Variants in NELL1 observed in about 807,000 individuals in gnomAD.
NELL1 encodes protein kinase C-binding protein NELL1.
Under a neutral mutation model 107.4 loss-of-function variants are expected in NELL1, and 76 were observed. The observed-to-expected ratio is 0.71, with a 90% CI of 0.59 to 0.86. NELL1 has a LOEUF of 0.86. Ranked by LOEUF, NELL1 falls within the 40% of genes least tolerant of loss-of-function variation. The pLI is 0.00. For synonymous variants in NELL1, 353 were observed against 341.2 expected, an observed-to-expected ratio of 1.03 and a Z score of -0.38; for missense variants, 1,024 against 1,005.5, an observed-to-expected ratio of 1.02 and a Z score of -0.25.
At chr11:20,865,479 T>C (rs1564940594) in intron 4 of NELL1, among the ~76,000 whole-genome samples, 1 of 152,142 alleles carries the variant, frequency 6.6e-6, no homozygotes, top group African/African-American at 2.4e-5. Context: ...GGAAACATTC[T>C]CTCCCCTCCC....
At chr11:21,551,860 C>A (rs1856596198) in intron 16 of NELL1, among the ~76,000 whole-genome samples, 2 of 150,512 alleles carry the variant, frequency 1.3e-5, no homozygotes, top group East Asian at 4.0e-4. Flanking sequence ...CGGCACTATT[C>A]ACAATAGCAA....
intron 15 of NELL1, among the ~76,000 whole-genome samples, chr11:21,396,488 C>T (rs553078478): frequency 3.8e-4 from 58 of 151,630 alleles, no homozygotes; most frequent in African/African-American, 1.4e-3. Context: ...AAGATCTGGC[C>T]ACAGGGCCAT....
At position 20,689,041 on chromosome 11, in the gene NELL1, A is replaced by G. The variant is rs142303820; in HGVS notation, c.184+10981A>G. 4.8e-3 allele frequency among the ~76,000 whole-genome samples: 726 copies of G among 152,186 alleles called. 2 individuals carry two copies. Among genetic ancestry groups the G allele is most frequent in the Admixed American group, 8.3e-3 (127 of 15,260 alleles). ...TGAGTGATGTGGAGCGTTTTTTCATATGCTTATTGGCCGCTTATATGTCTT... is the reference window on the plus strand; with the variant it reads ...TGAGTGATGTGGAGCGTTTTTTCATGTGCTTATTGGCCGCTTATATGTCTT... On this transcript the variant is annotated intron_variant, in intron 2 of 19. Transcript: ENST00000357134.
chr11:21,422,462 A>T (rs1852704530), intron 15 of NELL1, among the ~76,000 whole-genome samples: 1 of 152,174 alleles, frequency 6.6e-6, no homozygotes, highest in Non-Finnish European at 1.5e-5. Flanking sequence ...ACATAATTTT[A>T]TTTTACACAA....
chr11:20,946,171 T>A (rs1850958150), intron 10 of NELL1, among the ~76,000 whole-genome samples: 2 of 152,206 alleles, frequency 1.3e-5, no homozygotes, highest in African/African-American at 4.8e-5. Flanking sequence ...ACCACTGGGA[T>A]GACGGTCTCA....
At chr11:21,232,159 A>AAAAATATATATATATATAT (rs1554985116) in intron 14 of NELL1, among the ~76,000 whole-genome samples, 4 of 73,204 alleles carry the variant, frequency 5.5e-5, no homozygotes, top group African/African-American at 1.5e-4. Context: ...AAAAAAAAAA[A>AAAAATATATATATATATAT]ATATATATAT....
chr11:21,508,087 A>G (rs1855338638), intron 15 of NELL1, among the ~76,000 whole-genome samples: 2 of 152,146 alleles, frequency 1.3e-5, no homozygotes, highest in African/African-American at 4.8e-5. Flanking sequence ...ACTGGCCTGC[A>G]GAAGTTATTT....
At chr11:20,776,704 G>A (rs1564904533) in intron 2 of NELL1, among the ~76,000 whole-genome samples, 1 of 152,060 alleles carries the variant, frequency 6.6e-6, no homozygotes, top group African/African-American at 2.4e-5. Flanking sequence ...GGGTAGGAAC[G>A]TGGCCCTGGG....
intron 12 of NELL1, among the ~76,000 whole-genome samples, chr11:21,008,970 G>A (rs1263573760): frequency 1.3e-5 from 2 of 152,070 alleles, no homozygotes; most frequent in Admixed American, 6.6e-5. Context: ...AGTCTCCAAC[G>A]GGATCCAATC....
At chr11:21,541,043 G>A (rs953122227) in intron 16 of NELL1, among the ~76,000 whole-genome samples, 24 of 152,044 alleles carry the variant, frequency 1.6e-4, no homozygotes, top group African/African-American at 2.7e-4. Flanking sequence ...TCTTAATTAC[G>A]TCTTTATCAC....
At chr11:21,393,633 G>T (rs1851925485) in intron 15 of NELL1, among the ~76,000 whole-genome samples, 2 of 151,650 alleles carry the variant, frequency 1.3e-5, no homozygotes, top group Admixed American at 1.3e-4. Flanking sequence ...AAAAAGACAG[G>T]AAAGCATTGC....
chr11:20,688,902 T>G (rs891639988), intron 2 of NELL1, among the ~76,000 whole-genome samples: 1 of 152,082 alleles, frequency 6.6e-6, no homozygotes, highest in African/African-American at 2.4e-5. Flanking sequence ...CACGAACATC[T>G]GGTGTATTTT....
intron 14 of NELL1, among the ~76,000 whole-genome samples, chr11:21,312,343 AT>A (rs5790173): frequency 0.019 from 2,833 of 148,516 alleles, 90 homozygotes; most frequent in African/African-American, 0.066. Flanking sequence ...TTTAGAAAGG[AT>A]TTTTTTTTTT....
chr11:21,031,179 A>G (rs1852946979), intron 12 of NELL1, among the ~76,000 whole-genome samples: 1 of 152,214 alleles, frequency 6.6e-6, no homozygotes, highest in African/African-American at 2.4e-5. Flanking sequence ...ATTGCACTGT[A>G]CAGATAGACC....
intron 15 of NELL1, among the ~76,000 whole-genome samples, chr11:21,481,803 A>C (rs1051419274): frequency 2.0e-5 from 3 of 152,156 alleles, no homozygotes; most frequent in African/African-American, 7.2e-5. Context: ...AATGTGTGAC[A>C]AGTATCTGAA....
intron 12 of NELL1, among the ~76,000 whole-genome samples, chr11:20,997,447 G>A (rs1852116035): frequency 6.6e-6 from 1 of 152,184 alleles, no homozygotes; most frequent in Non-Finnish European, 1.5e-5. Context: ...TGTTATCATT[G>A]GTGGGGATTG....
At chr11:21,328,360 G>T (rs536828189) in intron 14 of NELL1, among the ~76,000 whole-genome samples, 3 of 152,170 alleles carry the variant, frequency 2.0e-5, no homozygotes, top group Non-Finnish European at 4.4e-5. Flanking sequence ...TGTTGAGCCT[G>T]TAGGTGCACA....
intron 12 of NELL1, among the ~76,000 whole-genome samples, chr11:21,096,295 C>T (rs1025724017): frequency 3.1e-4 from 47 of 152,276 alleles, no homozygotes; most frequent in Admixed American, 8.5e-4. Flanking sequence ...TGTAAAAAAA[C>T]GTCCCCTACA....
intron 14 of NELL1, among the ~76,000 whole-genome samples, chr11:21,246,024 T>C (rs16907774): frequency 1.3e-5 from 2 of 150,274 alleles, no homozygotes; most frequent in African/African-American, 5.0e-5. Flanking sequence ...ATACAAATTG[T>C]TTTTTTTTGA....
Sources: allele counts gnomAD v4.1 joint callset (sites outside exome capture counted in the v4.1 genomes callset), GRCh38; gene constraint gnomAD v4.1.1; transcripts MANE v1.5; gene names NCBI Gene and HGNC (gene_info 2026-07-23, HGNC 2026-07-21).